EPB41: variants seen among roughly 807,000 people sequenced by gnomAD.
EPB41 encodes the protein protein 4.1.
A neutral mutation model predicts 108.0 loss-of-function variants in EPB41; 65 were observed. That is an observed-to-expected ratio of 0.60 (90% CI 0.49 to 0.74). The LOEUF (loss-of-function observed/expected upper bound fraction) is 0.74, where lower values mean the gene tolerates loss of function less well. EPB41 is among the 30% of genes least tolerant of loss of function. The pLI is 0.00. For synonymous variants in EPB41, 336 were observed against 358.9 expected, an observed-to-expected ratio of 0.94 and a Z score of 0.72; for missense variants, 875 against 1,037.0, an observed-to-expected ratio of 0.84 and a Z score of 2.15.
intron 1 of EPB41, among the ~76,000 whole-genome samples, chr1:28,898,149 A>G (rs2090913853): frequency 6.6e-6 from 1 of 152,132 alleles, no homozygotes; most frequent in Admixed American, 6.5e-5. Flanking sequence ...CAGTGACAGG[A>G]GATGAGGCTG....
At chr1:29,062,889 G>A (rs1256591796) in intron 15 of EPB41, among the ~76,000 whole-genome samples, 1 of 152,132 alleles carries the variant, frequency 6.6e-6, no homozygotes, top group African/African-American at 2.4e-5. Flanking sequence ...AAGAAGGATG[G>A]AGAAAGCTCC....
upstream of EPB41, among the ~76,000 whole-genome samples, chr1:28,911,822 C>G (rs2092271189): frequency 6.6e-6 from 1 of 152,128 alleles, no homozygotes. Flanking sequence ...GTGGGTGGAT[C>G]ACCTGAGGCT....
intron 12 of EPB41, among the ~76,000 whole-genome samples, chr1:29,057,996 T>A (rs111346250): frequency 4.3e-4 from 65 of 152,358 alleles, no homozygotes; most frequent in African/African-American, 1.5e-3. Context: ...TTGGGTTTAT[T>A]GTAATGTTTT....
intron 1 of EPB41, among the ~76,000 whole-genome samples, chr1:28,959,981 C>G (rs2149113143): frequency 6.6e-6 from 1 of 150,666 alleles, no homozygotes; most frequent in Non-Finnish European, 1.5e-5. Flanking sequence ...TTCTTGAGGC[C>G]CTTTCTTTTT....
intron 16 of EPB41, among the ~76,000 whole-genome samples, chr1:29,080,097 ATTAT>A (rs33953606): frequency 0.016 from 2,373 of 145,712 alleles, 23 homozygotes; most frequent in African/African-American, 0.025. Flanking sequence ...ATAAAGCAAC[ATTAT>A]TTATTTATTT....
chr1:28,934,666 T>TTGTGTG (rs1204147204), intron 1 of EPB41, among the ~76,000 whole-genome samples: 9,379 of 136,194 alleles, frequency 0.069, 394 homozygotes, highest in Middle Eastern at 0.12. Context: ...TCTTTTGACA[T>TTGTGTG]TGTGTGTGTG....
At chr1:29,066,323 G>T (rs1647777120) in intron 16 of EPB41, among the ~76,000 whole-genome samples, 1 of 152,056 alleles carries the variant, frequency 6.6e-6, no homozygotes, top group African/African-American at 2.4e-5. Flanking sequence ...GGAGGCTGAG[G>T]TAGGAGAATC....
intron 15 of EPB41, among the ~76,000 whole-genome samples, chr1:29,061,069 C>T (rs12070045): frequency 6.6e-6 from 1 of 151,860 alleles, no homozygotes; most frequent in African/African-American, 2.4e-5. Context: ...TTAAAGATGA[C>T]AAAATTGAAC....
intron 1 of EPB41, among the ~76,000 whole-genome samples, chr1:28,909,314 A>G (rs2092089974): frequency 6.6e-6 from 1 of 152,112 alleles, no homozygotes; most frequent in Non-Finnish European, 1.5e-5. Flanking sequence ...AAAGTACACA[A>G]ATAAGAAGCT....
At chr1:28,930,866 TG>T (rs1212956702) in intron 1 of EPB41, among the ~76,000 whole-genome samples, 1 of 152,184 alleles carries the variant, frequency 6.6e-6, no homozygotes, top group African/African-American at 2.4e-5. Context: ...AAAAATCCTG[TG>T]GTATATTGTA....
At chr1:28,970,715 T>TA (rs1474483591) in intron 1 of EPB41, among the ~76,000 whole-genome samples, 1 of 152,208 alleles carries the variant, frequency 6.6e-6, no homozygotes, top group Admixed American at 6.5e-5. Flanking sequence ...TCACTTACCT[T>TA]ATAGCCTCAA....
rs558385291 is a variant in EPB41 at position 28,969,699 on chromosome 1, A to G, written c.-7-17732A>G. Among the ~76,000 whole-genome samples, 571 of 152,170 alleles carry G rather than the reference A, an allele frequency of 3.8e-3. 1 individual carries two copies. Among genetic ancestry groups the G allele is most frequent in the Non-Finnish European group, 6.1e-3 (415 of 68,016 alleles). ...CGGATCACGAGGTCACAAGATTGAG[A>G]CCATCCTGGCTAACACGGTGAAACT... On this transcript the variant is annotated intron_variant, in intron 1 of 20. Coordinates refer to ENST00000343067, the MANE Select transcript of EPB41 (RefSeq NM_001376013.1).
intron 10 of EPB41, among the ~76,000 whole-genome samples, chr1:29,037,781 G>A (rs1244547160): frequency 6.6e-6 from 1 of 152,074 alleles, no homozygotes; most frequent in South Asian, 2.1e-4. Flanking sequence ...TGATCCACTC[G>A]CCTTGGCCTC....
intron 17 of EPB41, among the ~76,000 whole-genome samples, chr1:29,101,547 A>G (rs1665411963): frequency 6.6e-6 from 1 of 151,862 alleles, no homozygotes; most frequent in South Asian, 2.1e-4. Context: ...GTGCACCTAT[A>G]GTCCCAGCTG....
At chr1:28,989,645 C>T (rs907305516) in intron 2 of EPB41, among the ~76,000 whole-genome samples, 2 of 152,056 alleles carry the variant, frequency 1.3e-5, no homozygotes, top group African/African-American at 4.8e-5. Context: ...GTTAGTGAAA[C>T]AAGGTTGAAA....
At chr1:28,926,875 C>G (rs2093476216) in intron 1 of EPB41, among the ~76,000 whole-genome samples, 1 of 152,184 alleles carries the variant, frequency 6.6e-6, no homozygotes, top group African/African-American at 2.4e-5. Flanking sequence ...TGTAATATAG[C>G]TGCACCTGGT....
At chr1:28,947,004 C>G (rs2094508492) in intron 1 of EPB41, among the ~76,000 whole-genome samples, 1 of 152,016 alleles carries the variant, frequency 6.6e-6, no homozygotes, top group African/African-American at 2.4e-5. Context: ...CATGGTGGAA[C>G]CACAAAAAGG....
intron 1 of EPB41, among the ~76,000 whole-genome samples, chr1:28,892,329 C>T (rs553168503): frequency 1.3e-5 from 2 of 152,076 alleles, no homozygotes; most frequent in Non-Finnish European, 2.9e-5. Context: ...TCCTTCCAGA[C>T]GTGTTACATG....
At chr1:29,080,198 A>G (rs1655956106) in intron 16 of EPB41, among the ~76,000 whole-genome samples, 1 of 151,050 alleles carries the variant, frequency 6.6e-6, no homozygotes, top group Non-Finnish European at 1.5e-5. Flanking sequence ...GGCTCATTAC[A>G]ACCTCTCCCT....
Sources: gnomAD v4.1 joint callset for allele counts (sites outside exome capture counted in the v4.1 genomes callset) on GRCh38, gnomAD v4.1.1 for gene constraint, MANE v1.5 for transcripts, NCBI Gene and HGNC (gene_info 2026-07-23, HGNC 2026-07-21) for gene names.